IDO2: variants seen among roughly 807,000 people sequenced by gnomAD.
IDO2 encodes the protein indoleamine 2,3-dioxygenase 2.
A neutral mutation model predicts 45.1 loss-of-function variants in IDO2; 46 were observed. The ratio of observed to expected loss-of-function variants is 1.02; its 90% CI spans 0.80 to 1.30. The LOEUF (loss-of-function observed/expected upper bound fraction) is 1.30. Ranked by LOEUF, IDO2 falls within the 50% of genes most tolerant of loss-of-function variation. The pLI is 0.00. For synonymous variants in IDO2, 218 were observed against 184.9 expected, an observed-to-expected ratio of 1.18 and a Z score of -1.45; for missense variants, 544 against 491.8, an observed-to-expected ratio of 1.11 and a Z score of -1.00.
intron 1 of IDO2, among the ~76,000 whole-genome samples, chr8:39,942,382 G>A (rs779529721): frequency 6.6e-6 from 1 of 152,110 alleles, no homozygotes; most frequent in Non-Finnish European, 1.5e-5. Flanking sequence ...GGTGGTTCAC[G>A]CCTGTAATCC....
chr8:39,939,752 A>G (rs1207503479), intron 1 of IDO2, among the ~76,000 whole-genome samples: 1 of 151,962 alleles, frequency 6.6e-6, no homozygotes, highest in Non-Finnish European at 1.5e-5. Context: ...TTAATCAACG[A>G]AAGGACTTAA....
At chr8:39,985,668 T>A in intron 6 of IDO2, 146 bp downstream of exon 6, 15 of 661,770 alleles carry the variant, frequency 2.3e-5, no homozygotes, top group Non-Finnish European at 3.6e-5. Flanking sequence ...TAGAAGGAAA[T>A]GTGCCTAAAA....
intron 5 of IDO2, among the ~76,000 whole-genome samples, chr8:39,983,722 C>G (rs183840681): frequency 3.3e-5 from 5 of 151,986 alleles, no homozygotes; most frequent in African/African-American, 1.2e-4. Flanking sequence ...AAAAATTAGC[C>G]GGGCATGGTG....
At chr8:40,000,371 C>T (rs1301421625) in intron 8 of IDO2, among the ~76,000 whole-genome samples, 1 of 151,450 alleles carries the variant, frequency 6.6e-6, no homozygotes, top group Non-Finnish European at 1.5e-5. Flanking sequence ...GATCGTGCCA[C>T]TGCACTCCAG....
intron 2 of IDO2, among the ~76,000 whole-genome samples, chr8:39,953,312 A>G (rs935478854): frequency 2.6e-5 from 4 of 152,224 alleles, no homozygotes; most frequent in Admixed American, 6.6e-5. Flanking sequence ...GTTTCCGGCT[A>G]TATAGCAAAA....
intron 9 of IDO2, among the ~76,000 whole-genome samples, chr8:40,012,982 T>G (rs925663096): frequency 1.4e-4 from 21 of 152,194 alleles, no homozygotes; most frequent in African/African-American, 4.1e-4. Context: ...CTGTACGTTA[T>G]AGATTACAAA....
intron 8 of IDO2, among the ~76,000 whole-genome samples, chr8:39,995,412 C>G (rs1402933610): frequency 6.6e-6 from 1 of 151,474 alleles, no homozygotes; most frequent in African/African-American, 2.4e-5. Flanking sequence ...TCCCAAGTAA[C>G]TGGGATTACA....
intron 1 of IDO2, among the ~76,000 whole-genome samples, chr8:39,942,508 C>T (rs1382053010): frequency 2.0e-5 from 3 of 152,114 alleles, no homozygotes; most frequent in Admixed American, 6.6e-5. Flanking sequence ...AGCGTGGTGG[C>T]GGGCACTTAT....
At chr8:40,013,917 G>A (rs1420863191) in intron 10 of IDO2, among the ~76,000 whole-genome samples, 1 of 152,062 alleles carries the variant, frequency 6.6e-6, no homozygotes, top group African/African-American at 2.4e-5. Flanking sequence ...CTTGATCTTG[G>A]GTTTTACTTC....
intron 8 of IDO2, among the ~76,000 whole-genome samples, chr8:39,997,406 G>C (rs564135501): frequency 6.6e-6 from 1 of 152,248 alleles, no homozygotes; most frequent in South Asian, 2.1e-4. Flanking sequence ...AGATGCGGTG[G>C]CTCATGCCTG....
chr8:39,959,265 G>A (rs1585400830), intron 2 of IDO2, among the ~76,000 whole-genome samples: 1 of 140,962 alleles, frequency 7.1e-6, no homozygotes, highest in Non-Finnish European at 1.5e-5. Context: ...CCGCCACCAC[G>A]CTGGGCTAAT....
intron 3 of IDO2, among the ~76,000 whole-genome samples, chr8:39,965,393 A>G (rs901505180): frequency 6.6e-6 from 1 of 152,210 alleles, no homozygotes; most frequent in Non-Finnish European, 1.5e-5. Context: ...AGGCTGGGGC[A>G]GAAGAATCAC....
Position 40,015,454 on chromosome 8 carries a change from CAGCCAAGGCAA to C in IDO2, c.1080_1090del (p.Lys361TrpfsTer28), listed in dbSNP as rs762382412. The C allele has an allele frequency of 1.4e-5, 23 of 1,613,976 alleles. No homozygotes were observed. Among genetic ancestry groups the C allele is most frequent in the Non-Finnish European group, 1.9e-5 (23 of 1,179,880 alleles). ...GTCACCAAATACCTCATCACAGCTG[CAGCCAAGGCAA>C]AGCATGGGAAGCCAAACCATCTCCC... On this transcript the variant is annotated frameshift_variant, in exon 11 of 11. Transcript: ENST00000502986. LOFTEE classifies it high-confidence loss of function.
At chr8:39,961,283 G>A (rs1488064880) in intron 2 of IDO2, among the ~76,000 whole-genome samples, 1 of 146,678 alleles carries the variant, frequency 6.8e-6, no homozygotes, top group African/African-American at 2.5e-5. Context: ...CACAATATAG[G>A]GTTTTTACTG....
chr8:39,977,707 A>G (rs116453912), intron 3 of IDO2, among the ~76,000 whole-genome samples: 1,524 of 152,316 alleles, frequency 0.01, 28 homozygotes, highest in African/African-American at 0.035. Flanking sequence ...GAAACAAAAC[A>G]AGTAACATCT....
At chr8:39,942,031 T>C (rs1426796112) in intron 1 of IDO2, among the ~76,000 whole-genome samples, 1 of 152,154 alleles carries the variant, frequency 6.6e-6, no homozygotes, top group African/African-American at 2.4e-5. Context: ...AGGTGAAGGA[T>C]ACAGTAAGCT....
chr8:40,008,904 A>G (rs1348860639), intron 9 of IDO2, among the ~76,000 whole-genome samples: 1 of 151,998 alleles, frequency 6.6e-6, no homozygotes, highest in Non-Finnish European at 1.5e-5. Flanking sequence ...GTGTAGATGG[A>G]CAAAAATATC....
intron 8 of IDO2, 70 bp downstream of exon 8, chr8:39,989,908 G>A: frequency 1.0e-6 from 1 of 990,834 alleles, no homozygotes; most frequent in Middle Eastern, 2.2e-4. Context: ...AAGAGGGCCT[G>A]GGGACCAGGC....
intron 2 of IDO2, among the ~76,000 whole-genome samples, chr8:39,959,580 G>C (rs1366838380): frequency 3.4e-5 from 3 of 87,996 alleles, no homozygotes; most frequent in African/African-American, 7.0e-5. Flanking sequence ...TTAGCACTTT[G>C]AGAGGCTGAG....
Sources: allele counts gnomAD v4.1 joint callset (sites outside exome capture counted in the v4.1 genomes callset), GRCh38; gene constraint gnomAD v4.1.1; transcripts MANE v1.5; gene names NCBI Gene and HGNC (gene_info 2026-07-23, HGNC 2026-07-21).